Variants in CNTNAP2 observed in about 807,000 individuals in gnomAD.
The protein encoded by CNTNAP2 is contactin associated protein 2.
A neutral mutation model predicts 155.2 loss-of-function variants in CNTNAP2; 98 were observed. The observed-to-expected ratio is 0.63, with a 90% CI of 0.54 to 0.75. CNTNAP2 has a LOEUF of 0.75. CNTNAP2 is among the 30% of genes least tolerant of loss of function. The pLI is 0.00. For missense variants in CNTNAP2, 1,727 were observed against 1,688.1 expected (o/e 1.02, Z -0.40); for synonymous variants, 651 against 631.2 (o/e 1.03, Z -0.47).
intron 13 of CNTNAP2, among the ~76,000 whole-genome samples, chr7:147,671,092 G>A (rs1795779758): frequency 6.6e-6 from 1 of 152,206 alleles, no homozygotes; most frequent in Non-Finnish European, 1.5e-5. Flanking sequence ...CATGAGTGGT[G>A]GAGCACAGCG....
intron 15 of CNTNAP2, among the ~76,000 whole-genome samples, chr7:148,117,137 G>A (rs755088533): frequency 3.9e-5 from 6 of 152,306 alleles, no homozygotes; most frequent in Non-Finnish European, 7.4e-5. Flanking sequence ...TGCATCCTGC[G>A]AGCTGCTTTT....
At chr7:147,970,573 G>C (rs1276059219) in intron 14 of CNTNAP2, among the ~76,000 whole-genome samples, 1 of 151,974 alleles carries the variant, frequency 6.6e-6, no homozygotes, top group Admixed American at 6.6e-5. Flanking sequence ...AAAAAAAGAT[G>C]GAGAAAAGAG....
At chr7:146,470,082 G>A (rs921229090) in intron 1 of CNTNAP2, among the ~76,000 whole-genome samples, 4 of 148,198 alleles carry the variant, frequency 2.7e-5, no homozygotes, top group African/African-American at 1.0e-4. Context: ...CTCGTGATCT[G>A]CCCGTCTCGG....
intron 13 of CNTNAP2, among the ~76,000 whole-genome samples, chr7:147,844,823 A>G (rs1798800611): frequency 5.3e-5 from 3 of 56,472 alleles, no homozygotes; most frequent in African/African-American, 2.2e-4. Flanking sequence ...GAATTTTGTC[A>G]AAGGCTTTTT....
chr7:147,339,405 T>G (rs76148068), intron 9 of CNTNAP2, among the ~76,000 whole-genome samples: 2 of 152,118 alleles, frequency 1.3e-5, no homozygotes, highest in African/African-American at 4.8e-5. Flanking sequence ...TTATGTGAAC[T>G]CTTTGTGTAT....
At chr7:146,550,098 T>G (rs1046885025) in intron 1 of CNTNAP2, among the ~76,000 whole-genome samples, 1 of 152,054 alleles carries the variant, frequency 6.6e-6, no homozygotes. Flanking sequence ...TTAAAGGGAT[T>G]AAACTTGGAT....
At chr7:147,861,087 A>G (rs1156756464) in intron 13 of CNTNAP2, among the ~76,000 whole-genome samples, 3 of 152,180 alleles carry the variant, frequency 2.0e-5, no homozygotes, top group African/African-American at 7.2e-5. Flanking sequence ...TATGTCAACC[A>G]CACTTCTGTT....
chr7:147,656,354 A>G (rs755846594), intron 13 of CNTNAP2, among the ~76,000 whole-genome samples: 1 of 152,206 alleles, frequency 6.6e-6, no homozygotes, highest in Non-Finnish European at 1.5e-5. Context: ...CTTCCAGCCT[A>G]TCTTGGCTTT....
At chr7:147,768,723 G>A (rs981406692) in intron 13 of CNTNAP2, among the ~76,000 whole-genome samples, 1 of 151,984 alleles carries the variant, frequency 6.6e-6, no homozygotes, top group Non-Finnish European at 1.5e-5. Context: ...CATCTTTAAT[G>A]GCATTAATGA....
rs751893206 is a variant in CNTNAP2 at position 147,839,905 on chromosome 7, A to ATG, written c.2099-63647_2099-63646dup. ...TATATGTGTGTGTGTGTGTATATAT[A>ATG]TGTGTGTGTGTGTGCTGTGTATATA... On this transcript the variant is annotated intron_variant, in intron 13 of 23. Coordinates refer to ENST00000361727, the MANE Select transcript of CNTNAP2 (RefSeq NM_014141.6). 5.9e-4 allele frequency among the ~76,000 whole-genome samples: 89 copies of ATG among 151,074 alleles called. No individual in the cohort carries two copies. In the East Asian group the frequency reaches 0.014, roughly 23 times the overall value.
At position 147,998,141 on chromosome 7, in the gene CNTNAP2, T is replaced by A. The variant is rs531756403; in HGVS notation, c.2383+20152T>A. Among the ~76,000 whole-genome samples, 9 of 119,102 alleles carry A rather than the reference T, an allele frequency of 7.6e-5. No individual in the cohort carries two copies. In the South Asian group the frequency reaches 2.6e-3, roughly 35 times the overall value. 78.1% of individuals were successfully genotyped at this position (119,102 alleles called of 152,430 possible). Reference sequence around the variant, plus strand: ...TTTTTTTTTTTTTTGAGACGGAGTCTCACCCTGCTGCCCAGGCTGGAGTGC... The same window carrying A: ...TTTTTTTTTTTTTTGAGACGGAGTCACACCCTGCTGCCCAGGCTGGAGTGC... On this transcript the variant is annotated intron_variant, in intron 15 of 23. Coordinates refer to ENST00000361727, the MANE Select transcript of CNTNAP2 (RefSeq NM_014141.6).
chr7:146,697,930 T>A (rs1465347895), intron 1 of CNTNAP2, among the ~76,000 whole-genome samples: 2 of 152,186 alleles, frequency 1.3e-5, no homozygotes, highest in African/African-American at 4.8e-5. Context: ...TATTTTCTAC[T>A]TTCTCTTATC....
chr7:147,286,785 C>A lies in CNTNAP2; in HGVS notation c.1349-13356C>A, dbSNP rs577379935. On this transcript the variant is annotated intron_variant, in intron 8 of 23. Coordinates refer to ENST00000361727, the MANE Select transcript of CNTNAP2 (RefSeq NM_014141.6). ...GAGGGTCATATCTTCCCTTTCCATT[C>A]ACCTACCATATTCTCCCCTTTCCAC... 7.8e-4 allele frequency among the ~76,000 whole-genome samples: 118 copies of A among 152,220 alleles called. No individual in the cohort carries two copies. In the Middle Eastern group the frequency reaches 0.01, roughly 13 times the overall value.
intron 1 of CNTNAP2, among the ~76,000 whole-genome samples, chr7:146,520,623 T>G (rs1333120983): frequency 6.6e-6 from 1 of 151,798 alleles, no homozygotes; most frequent in Non-Finnish European, 1.5e-5. Flanking sequence ...AATGGCCTTT[T>G]AATTCCACAA....
intron 1 of CNTNAP2, among the ~76,000 whole-genome samples, chr7:146,709,690 C>T (rs1230209085): frequency 6.6e-6 from 1 of 152,104 alleles, no homozygotes; most frequent in Non-Finnish European, 1.5e-5. Context: ...TCAGCTTCTA[C>T]TTCTCAAGTA....
rs528707592 is a variant in CNTNAP2, at chr7:146,975,667, T to G, written c.403-68240T>G. Among the ~76,000 whole-genome samples, 24 of 152,236 alleles carry G rather than the reference T, an allele frequency of 1.6e-4. 1 individual carries two copies. The highest frequency in any genetic ancestry group is 4.4e-5 in the Non-Finnish European group (3 of 68,010). On this transcript the variant is annotated intron_variant, in intron 3 of 23. Coordinates refer to ENST00000361727, the MANE Select transcript of CNTNAP2 (RefSeq NM_014141.6). ...GACACACAGACAATAACAGCGGTGA[T>G]AAATTTCAAGATGAAATCACAGATG...
intron 10 of CNTNAP2, among the ~76,000 whole-genome samples, chr7:147,401,586 T>C (rs1796914216): frequency 6.6e-6 from 1 of 152,138 alleles, no homozygotes; most frequent in Admixed American, 6.5e-5. Context: ...AAGGATGATA[T>C]GGTTTGGCTC....
chr7:147,218,257 C>G (rs1328252408), intron 8 of CNTNAP2, among the ~76,000 whole-genome samples: 1 of 151,644 alleles, frequency 6.6e-6, no homozygotes, highest in Non-Finnish European at 1.5e-5. Flanking sequence ...TATTTCTTTT[C>G]TAACAGATGC....
At chr7:147,546,078 C>T (rs1254485058) in intron 11 of CNTNAP2, among the ~76,000 whole-genome samples, 5 of 152,104 alleles carry the variant, frequency 3.3e-5, no homozygotes, top group Non-Finnish European at 7.3e-5. Context: ...ATAAATTACC[C>T]AGTCTCAGGT....
Sources: allele counts gnomAD v4.1 joint callset (sites outside exome capture counted in the v4.1 genomes callset), GRCh38; gene constraint gnomAD v4.1.1; transcripts MANE v1.5; gene names NCBI Gene and HGNC (gene_info 2026-07-23, HGNC 2026-07-21).